Variants in KRTAP10-9 observed in about 807,000 individuals in gnomAD.
The protein encoded by KRTAP10-9 is keratin associated protein 10-9, also known as keratin-associated protein 10-9.
Under a neutral mutation model 0.5 loss-of-function variants are expected in KRTAP10-9, and 1 was observed. The observed-to-expected ratio is 1.92, with a 90% CI of 0.68 to 9.09. The LOEUF (loss-of-function observed/expected upper bound fraction) is 9.09. Among genes scored for constraint, KRTAP10-9 ranks in the 30% most tolerant of loss-of-function variants. The pLI is 0.13. For synonymous variants in KRTAP10-9, 199 were observed against 159.8 expected, an observed-to-expected ratio of 1.25 and a Z score of -1.85; for missense variants, 391 against 376.4, an observed-to-expected ratio of 1.04 and a Z score of -0.32.
rs372915745 is a variant in KRTAP10-9 at position 44,627,155 on chromosome 21, C to T, written c.-17C>T. The T allele has an allele frequency of 5.8e-5, 94 of 1,607,146 alleles. No individual in the cohort carries two copies. Among genetic ancestry groups the T allele is most frequent in the Non-Finnish European group, 7.5e-5 (88 of 1,176,676 alleles). On this transcript the variant is annotated 5_prime_UTR_variant, in exon 1 of 1. Transcript: ENST00000397911. ...CTCACTTACACCTCCCCCAGCTCAC[C>T]TCCTCCCCACCCCAGCATGGCCGCG...
chr21:44,627,398 C>T lies in KRTAP10-9; in HGVS notation c.227C>T (p.Thr76Met), dbSNP rs376626071. The T allele has an allele frequency of 7.2e-5, 117 of 1,614,026 alleles. No individual in the cohort carries two copies. Among genetic ancestry groups the T allele is most frequent in the Non-Finnish European group, 8.0e-5 (94 of 1,179,972 alleles). ...CAATCAGGCTGCACCAGCTCCTGCACGCCCTCGTGCTGCCAGCAGTCTAGC... is the reference window on the plus strand; with the variant it reads ...CAATCAGGCTGCACCAGCTCCTGCATGCCCTCGTGCTGCCAGCAGTCTAGC... ...PCQSGCTSSC[T>M]PSCCQQSSCQ... is the part of the protein sequence containing the mutation. The change falls in exon 1 of 1, where the codon ACG becomes ATG. Residue 76 changes from threonine (T) to methionine (M), a missense_variant. Coordinates refer to ENST00000397911, the MANE Select transcript of KRTAP10-9 (RefSeq NM_198690.3).
At position 44,627,442 on chromosome 21, in the gene KRTAP10-9, A is replaced by T. The variant is rs781857324; in HGVS notation, c.271A>T (p.Thr91Ser). 1.3e-5 allele frequency: 21 copies of T among 1,612,434 alleles called. No homozygotes were observed. The African/African-American group carries it at 2.7e-4, about 21-fold the overall frequency. The stretch of plus-strand genomic sequence containing the variant: ...GTCTAGCTGCCAGCCGGCTTACTGC[A>T]CCTCCTCCCCCTGCCAGCAGGCCTG... ...QQSSCQPAYC[T>S]SSPCQQACCV... Residue 91 changes from threonine (T) to serine (S), a missense_variant, in exon 1 of 1, where the codon ACC becomes TCC. Coordinates refer to ENST00000397911, the MANE Select transcript of KRTAP10-9 (RefSeq NM_198690.3).
Position 44,628,269 on chromosome 21 carries a change from C to A in KRTAP10-9, c.*219C>A, listed in dbSNP as rs1398127274. The A allele has an allele frequency of 9.3e-6, 4 of 430,664 alleles. No homozygotes were observed. The highest frequency in any genetic ancestry group is 1.7e-5 in the Non-Finnish European group (4 of 238,060). 26.7% of individuals were successfully genotyped at this position (430,664 alleles called of 1,614,324 possible). Reference sequence around the variant, plus strand: ...CCTCACGGTGCTTCCTGGCTGCAGACCACAACCCTCCGCTGGTCGCTGGTT... The same window carrying A: ...CCTCACGGTGCTTCCTGGCTGCAGAACACAACCCTCCGCTGGTCGCTGGTT... On this transcript the variant is annotated 3_prime_UTR_variant, in exon 1 of 1. Coordinates refer to ENST00000397911, the MANE Select transcript of KRTAP10-9 (RefSeq NM_198690.3).
rs587662408 is a variant in KRTAP10-9 at position 44,627,112 on chromosome 21, C to T, written c.-60C>T. 13 of 1,579,320 alleles carry T rather than the reference C, an allele frequency of 8.2e-6. No homozygotes were observed. In the South Asian group the frequency reaches 1.4e-4, roughly 17 times the overall value. ...AACCTCACACACTCACAAACTCACTCACTGACACACTCACACACTCACTTA... is the reference window on the plus strand; with the variant it reads ...AACCTCACACACTCACAAACTCACTTACTGACACACTCACACACTCACTTA... On this transcript the variant is annotated 5_prime_UTR_variant, in exon 1 of 1. Coordinates refer to ENST00000397911, the MANE Select transcript of KRTAP10-9 (RefSeq NM_198690.3).
rs782684218 is a variant in KRTAP10-9, at chr21:44,627,402, C to T, written c.231C>T (p.Pro77=). Residue 77 remains proline, a synonymous_variant, in exon 1 of 1, where the codon CCC becomes CCT. Transcript: ENST00000397911. ...CAGGCTGCACCAGCTCCTGCACGCC[C>T]TCGTGCTGCCAGCAGTCTAGCTGCC... is the stretch of plus-strand genomic sequence containing the variant. ...CQSGCTSSCT[P]SCCQQSSCQP... 1.2e-6 allele frequency: 2 copies of T among 1,613,952 alleles called. No individual in the cohort carries two copies. Among genetic ancestry groups the T allele is most frequent in the East Asian group, 4.5e-5 (2 of 44,894 alleles).
chr21:44,627,177 C>T lies in KRTAP10-9; in HGVS notation c.6C>T (p.Ala2=), dbSNP rs782605371. Residue 2 remains alanine (A), a synonymous_variant, in exon 1 of 1, where the codon GCC becomes GCT. Transcript: ENST00000397911. ...CACCTCCTCCCCACCCCAGCATGGC[C>T]GCGTCCACCATGTCCATCCGCTCCA... M[A]ASTMSIRSSA... 12 of 1,612,106 alleles carry T rather than the reference C, an allele frequency of 7.4e-6. No individual in the cohort carries two copies. Among genetic ancestry groups the T allele is most frequent in the East Asian group, 2.2e-5 (1 of 44,876 alleles).
At position 44,627,344 on chromosome 21, in the gene KRTAP10-9, G is replaced by T. The variant is rs1555934617; in HGVS notation, c.173G>T (p.Cys58Phe). The change falls in exon 1 of 1, where the codon TGC becomes TTC. Residue 58 changes from cysteine to phenylalanine, a missense_variant. Physicochemically the swap from Cys to Phe is radical, Grantham distance 205. Transcript: ENST00000397911. ...GTGAGCCGTGTATCCAGCCCCTGCT[G>T]CCAGGTGACCTGTGAGCCCAGCCCC... is the stretch of plus-strand genomic sequence containing the variant. The part of the protein sequence containing the change: ...TPVSRVSSPC[C>F]QVTCEPSPCQ... The T allele has an allele frequency of 6.2e-7, 1 of 1,613,334 alleles. No homozygotes were observed. Among genetic ancestry groups the T allele is most frequent in the Non-Finnish European group, 8.5e-7 (1 of 1,179,956 alleles).
rs1555934873 is a variant in KRTAP10-9, at chr21:44,627,876, C to T, written c.705C>T (p.Cys235=). 1 of 1,613,070 alleles carries T rather than the reference C, an allele frequency of 6.2e-7. No individual in the cohort carries two copies. Among genetic ancestry groups the T allele is most frequent in the Non-Finnish European group, 8.5e-7 (1 of 1,179,212 alleles). Residue 235 remains cysteine, a synonymous_variant, in exon 1 of 1, where the codon TGC becomes TGT. Transcript: ENST00000397911. ...CCTCCTCCTCTGTGTCCCTCCTCTG[C>T]CGCCCTGTGTGCAGGCCCGCCTGCT... is the stretch of plus-strand genomic sequence containing the variant. ...CRPSSSVSLL[C]RPVCRPACCV... is the part of the protein sequence containing the mutation.
chr21:44,628,107 G>A lies in KRTAP10-9; in HGVS notation c.*57G>A. On this transcript the variant is annotated 3_prime_UTR_variant, in exon 1 of 1. Coordinates refer to ENST00000397911, the MANE Select transcript of KRTAP10-9 (RefSeq NM_198690.3). Reference sequence around the variant, plus strand: ...GGCCCCACCTCCCTGCCAGTCCTTGGACCTCCCAGCCCACCCAGCCTCAGC... The same window carrying A: ...GGCCCCACCTCCCTGCCAGTCCTTGAACCTCCCAGCCCACCCAGCCTCAGC... 1.3e-6 allele frequency: 2 copies of A among 1,567,486 alleles called. No individual in the cohort carries two copies. The highest frequency in any genetic ancestry group is 1.7e-6 in the Non-Finnish European group (2 of 1,154,270).
chr21:44,627,160 C>T lies in KRTAP10-9; in HGVS notation c.-12C>T. 1 of 1,608,824 alleles carries T rather than the reference C, an allele frequency of 6.2e-7. No homozygotes were observed. The highest frequency in any genetic ancestry group is 8.5e-7 in the Non-Finnish European group (1 of 1,177,536). The stretch of plus-strand genomic sequence containing the variant: ...TTACACCTCCCCCAGCTCACCTCCT[C>T]CCCACCCCAGCATGGCCGCGTCCAC... On this transcript the variant is annotated 5_prime_UTR_variant, in exon 1 of 1. Coordinates refer to ENST00000397911, the MANE Select transcript of KRTAP10-9 (RefSeq NM_198690.3).
rs782712479 is a variant in KRTAP10-9, at chr21:44,627,381, C to T, written c.210C>T (p.Gly70=). 6.2e-7 allele frequency: 1 copy of T among 1,613,876 alleles called. No individual in the cohort carries two copies. Among genetic ancestry groups the T allele is most frequent in the Admixed American group, 1.7e-5 (1 of 60,034 alleles). The change falls in exon 1 of 1, where the codon GGC becomes GGT. Residue 70 remains glycine, a synonymous_variant. Coordinates refer to ENST00000397911, the MANE Select transcript of KRTAP10-9 (RefSeq NM_198690.3). ...GTGAGCCCAGCCCCTGCCAATCAGG[C>T]TGCACCAGCTCCTGCACGCCCTCGT... ...VTCEPSPCQS[G]CTSSCTPSCC...
chr21:44,627,950 G>C lies in KRTAP10-9; in HGVS notation c.779G>C (p.Ser260Thr), dbSNP rs782560286. ...GCCCCCACCTCCTCCCGCCAGCCCA[G>C]CTATTGCCGCCAGGCCTCCTGTGTG... Reference protein sequence around the residue: ...CCAPTSSRQPSYCRQASCVSL... With the variant: ...CCAPTSSRQPTYCRQASCVSL... The change falls in exon 1 of 1, where the codon AGC (serine) becomes ACC (threonine). Residue 260 changes from serine to threonine, a missense_variant. Ser to Thr is a moderately conservative substitution (Grantham distance 58). Transcript: ENST00000397911. The C allele has an allele frequency of 4.0e-6, 6 of 1,517,512 alleles. No homozygotes were observed. The highest frequency in any genetic ancestry group is 1.4e-5 in the African/African-American group (1 of 72,552). The allele number at this position is 1,517,512 out of a possible 1,614,324, so 94.0% of individuals were successfully genotyped here. A position where few individuals can be genotyped will look rare whatever the true frequency, so the allele number is the denominator to read the frequency against.
In KRTAP10-9 at chr21:44,627,861, T is replaced by C. The variant is rs782350496; in HGVS notation, c.690T>C (p.Ser230=). ...CTTSCCRPSS[S]VSLLCRPVCR... is the part of the protein sequence containing the mutation. Reference sequence around the variant, plus strand: ...CCTCCTGCTGCAGACCCTCCTCCTCTGTGTCCCTCCTCTGCCGCCCTGTGT... The same window carrying C: ...CCTCCTGCTGCAGACCCTCCTCCTCCGTGTCCCTCCTCTGCCGCCCTGTGT... The change falls in exon 1 of 1, where the codon TCT becomes TCC. Residue 230 remains serine, a synonymous_variant. Coordinates refer to ENST00000397911, the MANE Select transcript of KRTAP10-9 (RefSeq NM_198690.3). 16 of 1,613,188 alleles carry C rather than the reference T, an allele frequency of 9.9e-6. No homozygotes were observed. The highest frequency in any genetic ancestry group is 1.6e-4 in the Middle Eastern group (1 of 6,076).
rs782676137 is a variant in KRTAP10-9, at chr21:44,627,210, C to T, written c.39C>T (p.Tyr13=). The change falls in exon 1 of 1, where the codon TAC becomes TAT. Residue 13 remains tyrosine, a synonymous_variant. Transcript: ENST00000397911. ...CCATGTCCATCCGCTCCAGCGCTTA[C>T]TCCGACTCCTGGCAGGTGGACGACT... is the stretch of plus-strand genomic sequence containing the variant. ...ASTMSIRSSA[Y]SDSWQVDDCP... 6.2e-7 allele frequency: 1 copy of T among 1,613,024 alleles called. No individual in the cohort carries two copies. The highest frequency in any genetic ancestry group is 8.5e-7 in the Non-Finnish European group (1 of 1,179,998).
At position 44,628,008 on chromosome 21, in the gene KRTAP10-9, G is replaced by C; in HGVS notation, c.837G>C (p.Pro279=). 3 of 1,613,618 alleles carry C rather than the reference G, an allele frequency of 1.9e-6. No homozygotes were observed. Among genetic ancestry groups the C allele is most frequent in the East Asian group, 2.2e-5 (1 of 44,866 alleles). Residue 279 remains proline (P), a synonymous_variant, in exon 1 of 1, where the codon CCG becomes CCC. Transcript: ENST00000397911. ...SLLCRPVCSR[P]ACYSFSSGQK... ...TCTGCCGCCCTGTGTGCTCCCGCCC[G>C]GCCTGCTACAGCTTCTCCTCAGGCC...
chr21:44,628,372 G>A lies in KRTAP10-9; in HGVS notation c.*322G>A, dbSNP rs185486927. 1,215 of 354,368 alleles carry A rather than the reference G, an allele frequency of 3.4e-3. 19 individuals carry two copies. Among genetic ancestry groups the A allele is most frequent in the African/African-American group, 0.021 (1,015 of 47,548 alleles). The allele number at this position is 354,368 out of a possible 1,614,324, so 22.0% of individuals were successfully genotyped here. A position where few individuals can be genotyped will look rare whatever the true frequency, so the allele number is the denominator to read the frequency against. ...CCCTGAGCACCAATAAAGCGTCTGC[G>A]GCCCCAGCTGACTCCGTGCTGACTC... On this transcript the variant is annotated 3_prime_UTR_variant, in exon 1 of 1. Transcript: ENST00000397911.
chr21:44,627,586 G>A lies in KRTAP10-9; in HGVS notation c.415G>A (p.Ala139Thr). Reference sequence around the variant, plus strand: ...CTGTGCCTCTTCCTCCTGCCAGCCGGCCTGCTGTGTGCCCGTCTGCTGCAA... The same window carrying A: ...CTGTGCCTCTTCCTCCTGCCAGCCGACCTGCTGTGTGCCCGTCTGCTGCAA... ...ACCASSSCQP[A>T]CCVPVCCKPV... The change falls in exon 1 of 1, where the codon GCC (alanine) becomes ACC (threonine). Residue 139 changes from alanine (A) to threonine (T), a missense_variant. By Grantham distance (58) the Ala-to-Thr change is moderately conservative. Coordinates refer to ENST00000397911, the MANE Select transcript of KRTAP10-9 (RefSeq NM_198690.3). The A allele has an allele frequency of 6.2e-7, 1 of 1,612,264 alleles. No individual in the cohort carries two copies. Among genetic ancestry groups the A allele is most frequent in the Non-Finnish European group, 8.5e-7 (1 of 1,179,558 alleles).
In KRTAP10-9 at chr21:44,627,453, C is replaced by G; in HGVS notation, c.282C>G (p.Pro94=). Residue 94 remains proline, a synonymous_variant, in exon 1 of 1, where the codon CCC becomes CCG. Transcript: ENST00000397911. Reference sequence around the variant, plus strand: ...AGCCGGCTTACTGCACCTCCTCCCCCTGCCAGCAGGCCTGCTGCGTGCCCG... The same window carrying G: ...AGCCGGCTTACTGCACCTCCTCCCCGTGCCAGCAGGCCTGCTGCGTGCCCG... ...SCQPAYCTSS[P]CQQACCVPVC... 2.5e-6 allele frequency: 4 copies of G among 1,608,776 alleles called. No homozygotes were observed. Among genetic ancestry groups the G allele is most frequent in the Non-Finnish European group, 3.4e-6 (4 of 1,177,178 alleles).
At chr21:44,627,579 C>A (rs1353950343) in intron 1 of KRTAP10-9, 6 of 1,613,412 alleles carry the variant, frequency 3.7e-6, no homozygotes, top group Non-Finnish European at 4.2e-6. Context: ...CTTCCTCCTG[C>A]CAGCCGGCCT....
Sources: gnomAD v4.1 joint callset for allele counts on GRCh38, gnomAD v4.1.1 for gene constraint, MANE v1.5 for transcripts, NCBI Gene and HGNC (gene_info 2026-07-23, HGNC 2026-07-21) for gene names.